The following FNDC3B variants were observed in gnomAD, a reference collection of about 807,000 sequenced individuals.
The protein encoded by FNDC3B is fibronectin type III domain-containing protein 3B.
In FNDC3B, 12 loss-of-function variants were observed where a neutral mutation model predicts 151.5. The observed-to-expected ratio is 0.08, with a 90% CI of 0.05 to 0.13. The LOEUF is 0.13. Among genes scored for constraint, FNDC3B ranks in the 10% least tolerant of loss-of-function variants. The pLI is 1.00. For synonymous variants in FNDC3B, 528 were observed against 549.0 expected (o/e 0.96, Z 0.54); for missense variants, 1,214 against 1,505.3 (o/e 0.81, Z 3.20).
intron 23 of FNDC3B, among the ~76,000 whole-genome samples, chr3:172,377,137 C>A (rs1256376181): frequency 6.6e-6 from 1 of 152,216 alleles, no homozygotes; most frequent in Admixed American, 6.5e-5. Flanking sequence ...GCCAAATTGG[C>A]CCAAGAGTCA....
intron 11 of FNDC3B, among the ~76,000 whole-genome samples, chr3:172,317,753 A>G (rs1336003973): frequency 6.6e-6 from 1 of 152,248 alleles, no homozygotes; most frequent in Non-Finnish European, 1.5e-5. Context: ...AACAATTAGA[A>G]CAATCATGTA....
chr3:172,396,705 C>T (rs1409886950), intron 25 of FNDC3B, among the ~76,000 whole-genome samples: 1 of 152,116 alleles, frequency 6.6e-6, no homozygotes, highest in African/African-American at 2.4e-5. Flanking sequence ...ACTGTGTATA[C>T]GAGGGATCTA....
intron 3 of FNDC3B, among the ~76,000 whole-genome samples, chr3:172,193,060 T>G (rs1724616927): frequency 6.6e-6 from 1 of 151,718 alleles, no homozygotes. Flanking sequence ...GTCCTATCTC[T>G]CCAAATCTGT....
intron 1 of FNDC3B, among the ~76,000 whole-genome samples, chr3:172,044,780 T>A (rs1002158325): frequency 1.3e-5 from 2 of 152,192 alleles, no homozygotes; most frequent in Non-Finnish European, 2.9e-5. Context: ...CCATGACATA[T>A]GGTTTGATTT....
intron 2 of FNDC3B, among the ~76,000 whole-genome samples, chr3:172,126,725 AG>A: frequency 6.6e-6 from 1 of 152,318 alleles, no homozygotes; most frequent in East Asian, 1.9e-4. Flanking sequence ...TTGAGAGGGC[AG>A]CTTGTGGGTC....
At chr3:172,044,287 T>G (rs74467795) in intron 1 of FNDC3B, among the ~76,000 whole-genome samples, 1 of 147,416 alleles carries the variant, frequency 6.8e-6, no homozygotes, top group South Asian at 2.1e-4. Context: ...CCAACTCTTT[T>G]TTTTTTTTTT....
intron 3 of FNDC3B, among the ~76,000 whole-genome samples, chr3:172,211,697 G>A (rs1725740280): frequency 6.6e-6 from 1 of 152,146 alleles, no homozygotes; most frequent in Non-Finnish European, 1.5e-5. Context: ...CTTAAGAACA[G>A]AATTCAGATT....
At chr3:172,067,750 A>G (rs1717569775) in intron 1 of FNDC3B, among the ~76,000 whole-genome samples, 1 of 152,086 alleles carries the variant, frequency 6.6e-6, no homozygotes, top group Admixed American at 6.6e-5. Context: ...CTTGTTAGGG[A>G]TTTGTGGTCC....
chr3:172,391,465 G>C (rs560902846), intron 25 of FNDC3B, among the ~76,000 whole-genome samples: 1 of 152,314 alleles, frequency 6.6e-6, no homozygotes, highest in Non-Finnish European at 1.5e-5. Context: ...TCTAGTTTCT[G>C]TGCTTGAGAA....
chr3:172,181,198 G>A (rs1357478671), intron 3 of FNDC3B, among the ~76,000 whole-genome samples: 2 of 151,022 alleles, frequency 1.3e-5, no homozygotes, highest in Non-Finnish European at 3.0e-5. Context: ...CCAGCAGTTC[G>A]AGACCAGCCT....
chr3:172,221,768 A>T (rs929579610), intron 3 of FNDC3B, among the ~76,000 whole-genome samples: 1 of 152,182 alleles, frequency 6.6e-6, no homozygotes, highest in African/African-American at 2.4e-5. Flanking sequence ...AGTCACCATG[A>T]ATGATTGCAG....
chr3:172,086,568 T>G (rs535529928), intron 1 of FNDC3B, among the ~76,000 whole-genome samples: 1 of 152,200 alleles, frequency 6.6e-6, no homozygotes, highest in Non-Finnish European at 1.5e-5. Context: ...TATGTAAAAA[T>G]TGGCCTAAGT....
intron 3 of FNDC3B, among the ~76,000 whole-genome samples, chr3:172,141,632 T>TAAAC (rs1301447343): frequency 2.0e-5 from 3 of 151,954 alleles, no homozygotes; most frequent in Admixed American, 2.0e-4. Context: ...AGGTCAGGAG[T>TAAAC]TTAAGTCCAG....
rs540059782 is a variant in FNDC3B at position 172,144,196 on chromosome 3, C to T, written c.187+10650C>T. Among the ~76,000 whole-genome samples, 12 of 152,164 alleles carry T rather than the reference C, an allele frequency of 7.9e-5. No individual in the cohort carries two copies. In the South Asian group the frequency reaches 2.5e-3, roughly 32 times the overall value. ...AGTAAGAGAGAGAAGGGAGAGGTCC[C>T]AGACTCTTAAACAACCAGATCTCCT... On this transcript the variant is annotated intron_variant, in intron 3 of 25. Transcript: ENST00000415807.
chr3:172,116,851 C>T (rs1416822626), intron 2 of FNDC3B, among the ~76,000 whole-genome samples: 1 of 152,208 alleles, frequency 6.6e-6, no homozygotes, highest in African/African-American at 2.4e-5. Flanking sequence ...CATGTGTGAG[C>T]CACCACGCCC....
At chr3:172,270,205 A>G (rs1347473483) in intron 6 of FNDC3B, among the ~76,000 whole-genome samples, 1 of 152,190 alleles carries the variant, frequency 6.6e-6, no homozygotes, top group African/African-American at 2.4e-5. Flanking sequence ...ACTTACATAG[A>G]GCTTAAATGG....
intron 25 of FNDC3B, among the ~76,000 whole-genome samples, chr3:172,382,016 TC>T (rs1168324283): frequency 6.6e-6 from 1 of 152,230 alleles, no homozygotes; most frequent in Non-Finnish European, 1.5e-5. Context: ...AAATGGTATT[TC>T]TGGTTCTAGA....
In FNDC3B at chr3:172,397,608, A is replaced by C; in HGVS notation, c.*133A>C. ...TTTTACAGATTTAGCTAGAAAAAAA[A>C]TGTCAGTGTTTTGGTGCACCTTTTT... On this transcript the variant is annotated 3_prime_UTR_variant, in exon 26 of 26. Transcript: ENST00000415807. 2.0e-6 allele frequency: 1 copy of C among 489,586 alleles called. No individual in the cohort carries two copies. Among genetic ancestry groups the C allele is most frequent in the South Asian group, 6.3e-5 (1 of 15,794 alleles). The allele number at this position is 489,586 out of a possible 1,614,324, so 30.3% of individuals were successfully genotyped here. A position where few individuals can be genotyped will look rare whatever the true frequency, so the allele number is the denominator to read the frequency against.
At chr3:172,373,206 TGCTTTA>T (rs1246111597) in intron 23 of FNDC3B, among the ~76,000 whole-genome samples, 1 of 152,254 alleles carries the variant, frequency 6.6e-6, no homozygotes, top group Non-Finnish European at 1.5e-5. Flanking sequence ...CATTTCCTGC[TGCTTTA>T]GGTCCTCCCA....
Sources: allele counts gnomAD v4.1 joint callset (sites outside exome capture counted in the v4.1 genomes callset), GRCh38; gene constraint gnomAD v4.1.1; transcripts MANE v1.5; gene names NCBI Gene and HGNC (gene_info 2026-07-23, HGNC 2026-07-21).